MAGI2: variants seen among roughly 807,000 people sequenced by gnomAD.
MAGI2 encodes the protein membrane associated guanylate kinase, WW and PDZ domain containing 2.
Under a neutral mutation model 133.3 loss-of-function variants are expected in MAGI2, and 35 were observed. The ratio of observed to expected loss-of-function variants is 0.26; its 90% CI spans 0.20 to 0.35. The LOEUF (loss-of-function observed/expected upper bound fraction) is 0.35. Among genes scored for constraint, MAGI2 ranks in the 10% least tolerant of loss-of-function variants. The pLI, the probability that MAGI2 is intolerant of heterozygous loss-of-function variation, is 1.00. For missense variants in MAGI2, 1,636 were observed against 1,863.4 expected (o/e 0.88, Z 2.25); for synonymous variants, 729 against 710.6 (o/e 1.03, Z -0.41).
intron 6 of MAGI2, among the ~76,000 whole-genome samples, chr7:78,482,681 A>G (rs1189881060): frequency 2.6e-5 from 4 of 151,948 alleles, no homozygotes; most frequent in African/African-American, 9.7e-5. Flanking sequence ...TTCCATTTAT[A>G]GAATATTTTT....
intron 1 of MAGI2, among the ~76,000 whole-genome samples, chr7:79,256,006 C>A (rs1585342218): frequency 6.6e-6 from 1 of 152,152 alleles, no homozygotes; most frequent in African/African-American, 2.4e-5. Context: ...AGAGTTTAAG[C>A]CAAAATGCAG....
chr7:79,154,106 C>G (rs111417863), intron 1 of MAGI2, among the ~76,000 whole-genome samples: 4 of 152,030 alleles, frequency 2.6e-5, no homozygotes, highest in African/African-American at 4.8e-5. Context: ...TATAAAGGAC[C>G]ATTTACAACT....
intron 2 of MAGI2, among the ~76,000 whole-genome samples, chr7:78,830,769 G>A (rs1462098413): frequency 3.9e-5 from 6 of 152,146 alleles, no homozygotes. Context: ...CTCAGAAAAG[G>A]GATAAAGAGT....
chr7:78,424,243 G>T (rs1395143290), intron 6 of MAGI2, among the ~76,000 whole-genome samples: 1 of 152,204 alleles, frequency 6.6e-6, no homozygotes, highest in Non-Finnish European at 1.5e-5. Context: ...TTGCCTCAGA[G>T]GATGGAAGCC....
chr7:78,735,944 G>T (rs768023931), intron 2 of MAGI2, among the ~76,000 whole-genome samples: 1 of 152,144 alleles, frequency 6.6e-6, no homozygotes, highest in African/African-American at 2.4e-5. Context: ...GAGGAAATAG[G>T]TTCCTTATAA....
chr7:78,189,092 A>G (rs1270845868), intron 12 of MAGI2, among the ~76,000 whole-genome samples: 1 of 152,210 alleles, frequency 6.6e-6, no homozygotes, highest in Non-Finnish European at 1.5e-5. Flanking sequence ...TTGCTCACTA[A>G]TAACAAGGAA....
chr7:78,620,009 A>C (rs2150936107), intron 3 of MAGI2, among the ~76,000 whole-genome samples: 1 of 152,024 alleles, frequency 6.6e-6, no homozygotes, highest in South Asian at 2.1e-4. Context: ...GACCCTTTTA[A>C]CTTTAAGTGC....
intron 1 of MAGI2, among the ~76,000 whole-genome samples, chr7:79,302,786 G>A (rs1410889494): frequency 2.6e-5 from 4 of 152,156 alleles, no homozygotes; most frequent in African/African-American, 7.2e-5. Flanking sequence ...GAAGCAGCAT[G>A]AGCTTATGAT....
At chr7:78,978,297 A>C (rs190449749) in intron 2 of MAGI2, among the ~76,000 whole-genome samples, 1 of 151,996 alleles carries the variant, frequency 6.6e-6, no homozygotes, top group African/African-American at 2.4e-5. Context: ...ATAGATAAAC[A>C]AACTATGGTG....
In MAGI2 at chr7:78,173,471, C is replaced by G. The variant is rs574508121; in HGVS notation, c.2403+4540G>C. ...ACAGAATGGGGTGCTGGCTTCCCCC[C>G]AAAGCAGACAAAGCATGAGCCAAGG... On this transcript the variant is annotated intron_variant, in intron 14 of 21. Transcript: ENST00000354212. 2.0e-5 allele frequency among the ~76,000 whole-genome samples: 3 copies of G among 152,194 alleles called. No individual in the cohort carries two copies. The East Asian group carries it at 5.8e-4, about 29-fold the overall frequency.
At chr7:78,783,730 T>C (rs541969827) in intron 2 of MAGI2, among the ~76,000 whole-genome samples, 1 of 152,316 alleles carries the variant, frequency 6.6e-6, no homozygotes, top group Admixed American at 6.5e-5. Flanking sequence ...CCACCAGTGC[T>C]GAGTTCCTGA....
chr7:79,307,945 A>G (rs1837954085), intron 1 of MAGI2, among the ~76,000 whole-genome samples: 3 of 152,204 alleles, frequency 2.0e-5, no homozygotes, highest in Admixed American at 2.0e-4. Context: ...TTTCCTCTTT[A>G]ACCACCATAG....
intron 2 of MAGI2, among the ~76,000 whole-genome samples, chr7:78,921,319 G>C (rs959056571): frequency 6.6e-6 from 1 of 152,084 alleles, no homozygotes; most frequent in African/African-American, 2.4e-5. Flanking sequence ...GTAAAAAATG[G>C]CTTCTTGACT....
At chr7:78,478,370 G>A (rs1026973431) in intron 6 of MAGI2, among the ~76,000 whole-genome samples, 2 of 151,676 alleles carry the variant, frequency 1.3e-5, no homozygotes, top group African/African-American at 4.8e-5. Context: ...ATTAAATGGT[G>A]GACACACATT....
At chr7:78,067,513 C>G (rs1048708366) in intron 21 of MAGI2, among the ~76,000 whole-genome samples, 1 of 152,160 alleles carries the variant, frequency 6.6e-6, no homozygotes, top group Non-Finnish European at 1.5e-5. Context: ...GCATGCTGAA[C>G]CGACCAGAGA....
chr7:79,125,636 T>C (rs1015411846), intron 1 of MAGI2: 13 of 522,480 alleles, frequency 2.5e-5, no homozygotes, highest in Non-Finnish European at 4.2e-5. Flanking sequence ...AGTGGAACTA[T>C]GATAATTTTG....
At chr7:78,317,627 T>C (rs886948723) in intron 9 of MAGI2, among the ~76,000 whole-genome samples, 8 of 152,186 alleles carry the variant, frequency 5.3e-5, no homozygotes, top group Admixed American at 3.9e-4. Flanking sequence ...CAGCACAGCA[T>C]TCGAGCTCTG....
intron 2 of MAGI2, among the ~76,000 whole-genome samples, chr7:78,653,569 G>T (rs1811806391): frequency 6.6e-6 from 1 of 152,144 alleles, no homozygotes. Flanking sequence ...TCACTCATAA[G>T]TGGGAGTTGA....
chr7:79,157,093 C>T (rs1823849940), intron 1 of MAGI2, among the ~76,000 whole-genome samples: 1 of 152,116 alleles, frequency 6.6e-6, no homozygotes, highest in Non-Finnish European at 1.5e-5. Flanking sequence ...TCTAAAGGGT[C>T]TTCTCTGTTG....
Sources: allele counts gnomAD v4.1 joint callset (sites outside exome capture counted in the v4.1 genomes callset), GRCh38; gene constraint gnomAD v4.1.1; transcripts MANE v1.5; gene names NCBI Gene and HGNC (gene_info 2026-07-23, HGNC 2026-07-21).